EPHX2: variants seen among roughly 807,000 people sequenced by gnomAD.
EPHX2 encodes the protein bifunctional epoxide hydrolase 2.
EPHX2 carries 74 observed loss-of-function variants against 78.7 expected under a neutral mutation model. The ratio of observed to expected loss-of-function variants is 0.94; its 90% CI spans 0.78 to 1.14. EPHX2 has a LOEUF of 1.14. Among genes scored for constraint, EPHX2 ranks in the 50% most tolerant of loss-of-function variants. The probability of loss-of-function intolerance (pLI) is 0.00; values close to 1 mark genes in which losing one functional copy is unlikely to be tolerated. For synonymous variants in EPHX2, 251 were observed against 255.2 expected, an observed-to-expected ratio of 0.98 and a Z score of 0.16; for missense variants, 715 against 702.5, an observed-to-expected ratio of 1.02 and a Z score of -0.20.
intron 12 of EPHX2, among the ~76,000 whole-genome samples, chr8:27,533,679 C>G (rs1194654516): frequency 6.6e-6 from 1 of 152,122 alleles, no homozygotes; most frequent in East Asian, 1.9e-4. Flanking sequence ...TCTTGACTTC[C>G]TGGGCTCAAT....
chr8:27,544,454 G>A lies in EPHX2; in HGVS notation c.1600G>A (p.Val534Met). ...CTCCCTTTCCCCCAGGCCAACCGAG[G>A]TGAATCAGATCCTCATTAAGTGGCT... ...HWTQMDKPTE[V>M]NQILIKWLDS... Residue 534 changes from valine (V) to methionine (M), a missense_variant, in exon 19 of 19, where the codon GTG becomes ATG. Val to Met is a conservative substitution (Grantham distance 21). Coordinates refer to ENST00000521400, the MANE Select transcript of EPHX2 (RefSeq NM_001979.6). 6.2e-7 allele frequency: 1 copy of A among 1,614,064 alleles called. No homozygotes were observed. The highest frequency in any genetic ancestry group is 8.5e-7 in the Non-Finnish European group (1 of 1,180,020).
chr8:27,543,008 C>G (rs1393661312), intron 16 of EPHX2, among the ~76,000 whole-genome samples: 1 of 58,684 alleles, frequency 1.7e-5, no homozygotes, highest in African/African-American at 1.5e-4. Context: ...CCATCCTCTC[C>G]CCCCCCCGCC....
At chr8:27,505,766 A>C (rs1021506598) in intron 4 of EPHX2, among the ~76,000 whole-genome samples, 16 of 151,838 alleles carry the variant, frequency 1.1e-4, no homozygotes. Flanking sequence ...CACCTCCTGG[A>C]CTTTGCTTCT....
At chr8:27,546,362 G>T (rs979127958), downstream of EPHX2, among the ~76,000 whole-genome samples, 1 of 152,180 alleles carries the variant, frequency 6.6e-6, no homozygotes, top group Admixed American at 6.6e-5. Flanking sequence ...TGGAGGAAGT[G>T]CTATGGAAGT....
Position 27,544,622 on chromosome 8 carries a change from A to G in EPHX2, c.*100A>G, listed in dbSNP as rs1585228984. 1 of 1,179,022 alleles carries G rather than the reference A, an allele frequency of 8.5e-7. No individual in the cohort carries two copies. 73.0% of individuals were successfully genotyped at this position (1,179,022 alleles called of 1,614,324 possible). A position where few individuals can be genotyped will look rare whatever the true frequency, so the allele number is the denominator to read the frequency against. On this transcript the variant is annotated 3_prime_UTR_variant, in exon 19 of 19. Coordinates refer to ENST00000521400, the MANE Select transcript of EPHX2 (RefSeq NM_001979.6). Reference sequence around the variant, plus strand: ...GTGGCCTTACACACATCTTGCATGGATGGCAGCATTGTTCTGAAGGGGTTT... The same window carrying G: ...GTGGCCTTACACACATCTTGCATGGGTGGCAGCATTGTTCTGAAGGGGTTT...
At chr8:27,504,766 G>T (rs1813932278) in intron 3 of EPHX2, among the ~76,000 whole-genome samples, 190 bp from the exon 4 acceptor site, 1 of 152,176 alleles carries the variant, frequency 6.6e-6, no homozygotes, top group Admixed American at 6.5e-5. Context: ...GCTCATGCTT[G>T]TGTCTGTGTC....
chr8:27,518,484 C>G (rs376244280), intron 9 of EPHX2, among the ~76,000 whole-genome samples: 10 of 152,356 alleles, frequency 6.6e-5, no homozygotes, highest in East Asian at 5.8e-4. Flanking sequence ...AATTCCTGCT[C>G]TAAGACAGGT....
chr8:27,540,518 G>A (rs200954708), intron 14 of EPHX2, 36 bp from the exon 15 acceptor site: 31 of 1,596,076 alleles, frequency 1.9e-5, no homozygotes, highest in East Asian at 4.5e-5. Context: ...CACCTGGCCC[G>A]GGGATGGGAA....
chr8:27,501,331 T>TTCTTCC (rs1813766927), intron 2 of EPHX2, among the ~76,000 whole-genome samples: 2 of 56,158 alleles, frequency 3.6e-5, no homozygotes, highest in Non-Finnish European at 7.0e-5. Flanking sequence ...TATTTTCTTC[T>TTCTTCC]TCTTCTTCTT....
At chr8:27,538,629 A>G (rs1037416301) in intron 13 of EPHX2, 30 bp from the exon 14 acceptor site, 12 of 1,600,064 alleles carry the variant, frequency 7.5e-6, no homozygotes, top group Admixed American at 3.4e-5. Context: ...CCATGACATC[A>G]TTTGTAACTC....
Position 27,540,725 on chromosome 8 carries a change from G to T in EPHX2, c.1379+69G>T, listed in dbSNP as rs1156707232. On this transcript the variant is annotated intron_variant, in intron 15 of 18. Coordinates refer to ENST00000521400, the MANE Select transcript of EPHX2 (RefSeq NM_001979.6). ...CAGATAGGGATCTTCAGCCCTCAGG[G>T]TGGAGGGTGAGGCCCAGTTCTCCTC... 4 of 1,491,424 alleles carry T rather than the reference G, an allele frequency of 2.7e-6. No individual in the cohort carries two copies. In the African/African-American group the frequency reaches 5.5e-5, roughly 21 times the overall value. 92.4% of individuals were successfully genotyped at this position (1,491,424 alleles called of 1,614,324 possible).
chr8:27,512,080 G>A (rs1014562690), intron 6 of EPHX2, 170 bp downstream of exon 6: 5 of 477,446 alleles, frequency 1.0e-5, no homozygotes, highest in African/African-American at 6.1e-5. Context: ...CCTGGGCAAC[G>A]GAGTGAAACC....
intron 16 of EPHX2, among the ~76,000 whole-genome samples, chr8:27,542,542 A>T (rs769516238): frequency 5.3e-5 from 8 of 152,190 alleles, no homozygotes; most frequent in Non-Finnish European, 8.8e-5. Flanking sequence ...AAATGACCAA[A>T]CTGCAGTTGG....
intron 1 of EPHX2, among the ~76,000 whole-genome samples, chr8:27,493,473 ACTGT>A (rs1163275137): frequency 6.6e-6 from 1 of 152,162 alleles, no homozygotes; most frequent in Non-Finnish European, 1.5e-5. Flanking sequence ...TTTATTGCAA[ACTGT>A]CTGAGAAATC....
intron 14 of EPHX2, among the ~76,000 whole-genome samples, chr8:27,539,902 C>T (rs72477587): frequency 0.013 from 2,054 of 152,296 alleles, 40 homozygotes; most frequent in African/African-American, 0.047. Context: ...TCTGAAAATG[C>T]CGACGGGCCC....
intron 12 of EPHX2, among the ~76,000 whole-genome samples, chr8:27,530,212 T>C (rs1278402373): frequency 1.3e-5 from 2 of 152,162 alleles, no homozygotes. Flanking sequence ...TCTTAATCTC[T>C]AGAACACAGT....
rs117252294 is a variant in EPHX2, at chr8:27,523,874, C to T, written c.1058+1366C>T. Among the ~76,000 whole-genome samples, 576 of 151,670 alleles carry T rather than the reference C, an allele frequency of 3.8e-3. 2 individuals carry two copies. Among genetic ancestry groups the T allele is most frequent in the South Asian group, 7.3e-3 (35 of 4,776 alleles). On this transcript the variant is annotated intron_variant, in intron 11 of 18. Coordinates refer to ENST00000521400, the MANE Select transcript of EPHX2 (RefSeq NM_001979.6). ...TGCACAACGTACTGGTTAAAGTCAA[C>T]AAAAGGAAAGATAGCAACGAGCTGT...
intron 3 of EPHX2, among the ~76,000 whole-genome samples, chr8:27,504,353 T>TTCAGTGGAAGAAGA: frequency 6.6e-6 from 1 of 152,306 alleles, no homozygotes; most frequent in East Asian, 1.9e-4. Context: ...CACCATCAAC[T>TTCAGTGGAAGAAGA]CTTCAGTGTC....
intron 11 of EPHX2, among the ~76,000 whole-genome samples, chr8:27,525,095 TGTGTGTGTGTGTGCGCGCGCGC>T (rs1814781253): frequency 6.8e-6 from 1 of 146,680 alleles, no homozygotes; most frequent in Non-Finnish European, 1.5e-5. Flanking sequence ...TGTGTGTGTG[TGTGTGTGTGTGTGCGCGCGCGC>T]GCGCGCACCT....
Sources: gnomAD v4.1 joint callset for allele counts (sites outside exome capture counted in the v4.1 genomes callset) on GRCh38, gnomAD v4.1.1 for gene constraint, MANE v1.5 for transcripts, NCBI Gene and HGNC (gene_info 2026-07-23, HGNC 2026-07-21) for gene names.